The following CDC16 variants were observed in gnomAD, a reference collection of about 807,000 sequenced individuals.
CDC16 encodes the protein cell division cycle 16.
A neutral mutation model predicts 87.0 loss-of-function variants in CDC16; 34 were observed. That is an observed-to-expected ratio of 0.39 (90% CI 0.30 to 0.52). The LOEUF (loss-of-function observed/expected upper bound fraction) is 0.52, where lower values mean the gene tolerates loss of function less well. CDC16 is among the 20% of genes least tolerant of loss of function. CDC16 has a pLI of 0.74. For synonymous variants in CDC16, 263 were observed against 260.6 expected, an observed-to-expected ratio of 1.01 and a Z score of -0.09; for missense variants, 653 against 751.9, an observed-to-expected ratio of 0.87 and a Z score of 1.54.
At chr13:114,235,252 G>A in intron 1 of CDC16, 120 bp downstream of exon 1, 1 of 640,270 alleles carries the variant, frequency 1.6e-6, no homozygotes, top group East Asian at 3.5e-5. Context: ...CCGGCCCTGG[G>A]CCTTCATCTG....
At chr13:114,249,386 C>T (rs1032931548) in intron 11 of CDC16, among the ~76,000 whole-genome samples, 2 of 151,736 alleles carry the variant, frequency 1.3e-5, no homozygotes, top group Admixed American at 1.3e-4. Context: ...CTTTACTCAC[C>T]TGCCTGCCAC....
Position 114,235,104 on chromosome 13 carries a change from G to T in CDC16, c.20G>T (p.Arg7Leu). The T allele has an allele frequency of 8.0e-7, 1 of 1,246,288 alleles. No homozygotes were observed. Among genetic ancestry groups the T allele is most frequent in the Non-Finnish European group, 1.0e-6 (1 of 995,770 alleles). 77.2% of individuals were successfully genotyped at this position (1,246,288 alleles called of 1,614,324 possible). Residue 7 changes from arginine to leucine, a missense_variant, in exon 1 of 18, where the codon CGG (arginine) becomes CTG (leucine). By Grantham distance (102) the Arg-to-Leu change is moderately radical. Coordinates refer to ENST00000356221, the MANE Select transcript of CDC16 (RefSeq NM_001078645.3). The part of the protein sequence containing the change: MNLERL[R>L]KRVRQYLDQQ... Reference sequence around the variant, plus strand: ...GCCGCCATGAACCTAGAGCGGCTGCGGAAGCGCGTCCGGCAGTACCTCGAC... The same window carrying T: ...GCCGCCATGAACCTAGAGCGGCTGCTGAAGCGCGTCCGGCAGTACCTCGAC...
intron 13 of CDC16, among the ~76,000 whole-genome samples, chr13:114,259,094 TAAA>T (rs5807005): frequency 1.7e-4 from 19 of 111,440 alleles, no homozygotes; most frequent in Admixed American, 7.5e-4. Flanking sequence ...GTGAGACTCT[TAAA>T]AAAAAAAAAA....
At chr13:114,245,938 A>G in intron 9 of CDC16, 62 bp from the exon 10 acceptor site, 1 of 858,564 alleles carries the variant, frequency 1.2e-6, no homozygotes, top group Middle Eastern at 2.2e-4. Context: ...GTTGTAATGA[A>G]ATCATGTCTT....
At chr13:114,250,761 T>C in intron 12 of CDC16, 87 bp downstream of exon 12, 5 of 1,317,224 alleles carry the variant, frequency 3.8e-6, no homozygotes, top group Non-Finnish European at 5.3e-6. Context: ...TGCTATTTGG[T>C]TGCTAAACTA....
chr13:114,271,204 A>C (rs1257582951), intron 17 of CDC16, among the ~76,000 whole-genome samples: 1 of 152,036 alleles, frequency 6.6e-6, no homozygotes, highest in Non-Finnish European at 1.5e-5. Context: ...TACAGGCGTG[A>C]GCCATCGCGC....
intron 16 of CDC16, 98 bp from the exon 17 acceptor site, chr13:114,265,052 C>G (rs2083112106): frequency 3.4e-6 from 3 of 895,118 alleles, no homozygotes; most frequent in Non-Finnish European, 5.6e-6. Context: ...GGCCACTTCC[C>G]CCACCCTGGA....
chr13:114,237,791 T>A (rs1312018565), intron 3 of CDC16, among the ~76,000 whole-genome samples: 1 of 152,194 alleles, frequency 6.6e-6, no homozygotes, highest in African/African-American at 2.4e-5. Context: ...GCCTCTCTTC[T>A]TGTCTCTTTT....
chr13:114,267,253 T>C (rs9590503), intron 17 of CDC16, among the ~76,000 whole-genome samples: 71,089 of 151,848 alleles, frequency 0.47, 19,776 homozygotes, highest in African/African-American at 0.77. Context: ...TTTGGGAGGC[T>C]AAGGCAGGCA....
chr13:114,238,942 A>G, intron 3 of CDC16, 48 bp from the exon 4 acceptor site: 1 of 1,575,216 alleles, frequency 6.3e-7, no homozygotes, highest in Non-Finnish European at 8.6e-7. Flanking sequence ...GAAAGTGAAG[A>G]TACATATTAT....
At chr13:114,256,010 C>T (rs918075632) in intron 12 of CDC16, among the ~76,000 whole-genome samples, 1 of 152,210 alleles carries the variant, frequency 6.6e-6, no homozygotes, top group African/African-American at 2.4e-5. Context: ...CTGCTTTCTC[C>T]AATGGCTGCT....
chr13:114,236,988 C>G, intron 3 of CDC16, 92 bp downstream of exon 3: 1 of 737,988 alleles, frequency 1.4e-6, no homozygotes, highest in South Asian at 2.2e-5. Flanking sequence ...GTAATCCCAG[C>G]GCTTTGGAAA....
At chr13:114,243,747 A>T in intron 7 of CDC16, 109 bp from the exon 8 acceptor site, 1 of 816,742 alleles carries the variant, frequency 1.2e-6, no homozygotes, top group Non-Finnish European at 1.9e-6. Flanking sequence ...AGAGGCTCTC[A>T]CATTTGTTCT....
chr13:114,246,939 G>A lies in CDC16; in HGVS notation c.906G>A (p.Trp302Ter). Residue 302 changes from tryptophan to a stop codon, truncating the protein, a stop_gained, in exon 11 of 18, where the codon TGG becomes TGA. Transcript: ENST00000356221. LOFTEE classifies it high-confidence loss of function. Reference sequence around the variant, plus strand: ...AATTTTGAACTTTTTAGGTGTCTTGGTTTGCAGTGGGATGTTACTATCTCA... The same window carrying A: ...AATTTTGAACTTTTTAGGTGTCTTGATTTGCAGTGGGATGTTACTATCTCA... ...VDLYPSNPVS[W>*]FAVGCYYLMV... The A allele has an allele frequency of 6.2e-7, 1 of 1,610,644 alleles. No individual in the cohort carries two copies. Among genetic ancestry groups the A allele is most frequent in the Non-Finnish European group, 8.5e-7 (1 of 1,177,050 alleles).
intron 17 of CDC16, among the ~76,000 whole-genome samples, chr13:114,267,724 G>T (rs1334689482): frequency 1.4e-5 from 2 of 147,450 alleles, no homozygotes; most frequent in African/African-American, 2.7e-5. Context: ...CATACCAAAA[G>T]TAGTAATACT....
At chr13:114,248,793 C>A (rs913151881) in intron 11 of CDC16, among the ~76,000 whole-genome samples, 3 of 151,978 alleles carry the variant, frequency 2.0e-5, no homozygotes, top group African/African-American at 4.8e-5. Context: ...TAGAATGTTC[C>A]CTGGTTGGTT....
chr13:114,257,968 G>A (rs548544985), intron 13 of CDC16, among the ~76,000 whole-genome samples: 74 of 151,794 alleles, frequency 4.9e-4, no homozygotes, highest in Non-Finnish European at 9.3e-4. Context: ...TGTATTTTTA[G>A]TAGAGACAGG....
In CDC16 at chr13:114,272,247, A is replaced by G; in HGVS notation, c.1667A>G (p.Lys556Arg). 1 of 1,612,184 alleles carries G rather than the reference A, an allele frequency of 6.2e-7. No homozygotes were observed. Among genetic ancestry groups the G allele is most frequent in the Non-Finnish European group, 8.5e-7 (1 of 1,178,412 alleles). Residue 556 changes from lysine to arginine, a missense_variant, in exon 18 of 18, where the codon AAA becomes AGA. Lys to Arg is a conservative substitution (Grantham distance 26, BLOSUM62 2). Coordinates refer to ENST00000356221, the MANE Select transcript of CDC16 (RefSeq NM_001078645.3). ...GATGTGCATACAATGAAGACACTAA[A>G]AAACATTATTTCACCTCCGTGGGAT... ...DFDVHTMKTL[K>R]NIISPPWDFR...
intron 14 of CDC16, 81 bp from the exon 15 acceptor site, chr13:114,261,806 G>A (rs2082877277): frequency 1.1e-6 from 1 of 928,848 alleles, no homozygotes; most frequent in Non-Finnish European, 1.6e-6. Flanking sequence ...CAGCTTGCAA[G>A]GCGTGAAATA....
Sources: gnomAD v4.1 joint callset for allele counts (sites outside exome capture counted in the v4.1 genomes callset) on GRCh38, gnomAD v4.1.1 for gene constraint, MANE v1.5 for transcripts, NCBI Gene and HGNC (gene_info 2026-07-23, HGNC 2026-07-21) for gene names.